NIN: variants seen among roughly 807,000 people sequenced by gnomAD.
NIN encodes glycogen synthase kinase 3 beta-interacting protein.
In NIN, 137 loss-of-function variants were observed where a neutral mutation model predicts 257.6. The observed-to-expected ratio is 0.53, with a 90% CI of 0.46 to 0.61. The LOEUF is 0.61. Among genes scored for constraint, NIN ranks in the 20% least tolerant of loss-of-function variants. NIN has a pLI of 0.00. For missense variants in NIN, 2,439 were observed against 2,501.2 expected (o/e 0.98, Z 0.53); for synonymous variants, 918 against 919.8 (o/e 1.00, Z 0.04).
rs114178727 is a variant in NIN at position 50,815,180 on chromosome 14, T to G, written c.183+6694A>C. 2.9e-3 allele frequency among the ~76,000 whole-genome samples: 434 copies of G among 152,130 alleles called. 3 individuals carry two copies. Among genetic ancestry groups the G allele is most frequent in the African/African-American group, 0.01 (429 of 41,474 alleles). On this transcript the variant is annotated intron_variant, in intron 3 of 30. Transcript: ENST00000530997. ...TAATACCCAGACTTTACAACAAACT[T>G]AAACACATTTACAAGAAAAAAACAA...
chr14:50,814,714 T>C (rs1470882401), intron 3 of NIN, among the ~76,000 whole-genome samples: 2 of 152,072 alleles, frequency 1.3e-5, no homozygotes, highest in African/African-American at 4.8e-5. Context: ...CAGAACAGAA[T>C]AGAAAACTCA....
intron 29 of NIN, 151 bp downstream of exon 29, chr14:50,729,372 C>G (rs563434135): frequency 5.9e-6 from 4 of 675,690 alleles, no homozygotes; most frequent in South Asian, 2.1e-5. Flanking sequence ...TGGCCTCAAG[C>G]GATCCTCCCG....
At chr14:50,812,591 C>T (rs1169600584) in intron 3 of NIN, among the ~76,000 whole-genome samples, 3 of 152,184 alleles carry the variant, frequency 2.0e-5, no homozygotes, top group Admixed American at 6.5e-5. Context: ...TTAGTAACTA[C>T]AAGATAGAAG....
chr14:50,783,985 T>A (rs1439434843), intron 5 of NIN, among the ~76,000 whole-genome samples: 3 of 152,236 alleles, frequency 2.0e-5, no homozygotes, highest in African/African-American at 7.2e-5. Flanking sequence ...GGCTGAGATG[T>A]GTTCACAAGA....
chr14:50,793,308 C>G (rs1427118423), intron 4 of NIN, among the ~76,000 whole-genome samples: 2 of 151,934 alleles, frequency 1.3e-5, no homozygotes. Flanking sequence ...ACTGTATACT[C>G]AGTATCCACA....
intron 4 of NIN, among the ~76,000 whole-genome samples, chr14:50,805,582 G>C (rs1471876215): frequency 6.6e-6 from 1 of 152,168 alleles, no homozygotes; most frequent in Non-Finnish European, 1.5e-5. Flanking sequence ...TGAAGAACTA[G>C]ATCACCCGGC....
At chr14:50,735,701 T>C in intron 27 of NIN, 84 bp from the exon 28 acceptor site, 7 of 1,463,648 alleles carry the variant, frequency 4.8e-6, no homozygotes, top group Non-Finnish European at 6.3e-6. Context: ...AATCTGTGCT[T>C]GTCAGAAATC....
intron 4 of NIN, among the ~76,000 whole-genome samples, chr14:50,801,651 C>A (rs144097276): frequency 6.6e-6 from 1 of 152,132 alleles, no homozygotes; most frequent in African/African-American, 2.4e-5. Context: ...TAGTGACAGG[C>A]CATAAGACCT....
intron 3 of NIN, among the ~76,000 whole-genome samples, chr14:50,809,975 T>C (rs2142250345): frequency 6.6e-6 from 1 of 152,202 alleles, no homozygotes; most frequent in Admixed American, 6.5e-5. Context: ...CAGGACTCTG[T>C]AATCCCAGCA....
intron 23 of NIN, among the ~76,000 whole-genome samples, chr14:50,744,028 C>T (rs766697674): frequency 2.6e-5 from 4 of 152,116 alleles, no homozygotes; most frequent in Non-Finnish European, 4.4e-5. Context: ...TTTGTATTAT[C>T]GAGTTTAATA....
intron 5 of NIN, among the ~76,000 whole-genome samples, chr14:50,780,105 C>T (rs1218950503): frequency 6.6e-6 from 1 of 152,192 alleles, no homozygotes; most frequent in Admixed American, 6.5e-5. Flanking sequence ...TAGTACAGGT[C>T]GTCTTTTGAC....
chr14:50,799,172 G>A (rs1212747097), intron 4 of NIN, among the ~76,000 whole-genome samples: 3 of 152,134 alleles, frequency 2.0e-5, no homozygotes, highest in Non-Finnish European at 4.4e-5. Flanking sequence ...GGAATCAAAC[G>A]GACCTGGACC....
intron 4 of NIN, among the ~76,000 whole-genome samples, chr14:50,797,667 C>A (rs990607494): frequency 1.3e-5 from 2 of 152,044 alleles, no homozygotes; most frequent in Admixed American, 6.6e-5. Context: ...AAATGCAAAC[C>A]CACGCCTGAT....
At position 50,770,384 on chromosome 14, in the gene NIN, T is replaced by G. The variant is rs1163742575; in HGVS notation, c.1434+4A>C. On this transcript the variant is annotated splice_donor_region_variant and intron_variant, in intron 12 of 30. Coordinates refer to ENST00000530997, the MANE Select transcript of NIN (RefSeq NM_020921.4). ...GCAGACCACAGAACTAATAAGATGA[T>G]TACCTTTAAAGAGAGGGCAAGGCGG... The G allele has an allele frequency of 4.3e-6, 7 of 1,613,688 alleles. No individual in the cohort carries two copies. The South Asian group carries it at 7.7e-5, about 18-fold the overall frequency.
rs1237756783 is a variant in NIN, at chr14:50,723,932, C to T, written c.6193-260G>A. The stretch of plus-strand genomic sequence containing the variant: ...AGAACAGATTGATATTAGATGGCAC[C>T]AAAAGTTTTTTTTCTACCTAAATAG... On this transcript the variant is annotated intron_variant, in intron 30 of 30. Transcript: ENST00000530997. 3 of 380,660 alleles carry T rather than the reference C, an allele frequency of 7.9e-6. No individual in the cohort carries two copies. In the East Asian group the frequency reaches 1.4e-4, roughly 18 times the overall value. 23.6% of individuals were successfully genotyped at this position (380,660 alleles called of 1,614,324 possible). A position where few individuals can be genotyped will look rare whatever the true frequency, so the allele number is the denominator to read the frequency against.
Position 50,822,081 on chromosome 14 carries a change from T to C in NIN, c.-21-4A>G, listed in dbSNP as rs761857663. On this transcript the variant is annotated splice_polypyrimidine_tract_variant and splice_region_variant and intron_variant, in intron 2 of 30. Transcript: ENST00000530997. Reference sequence around the variant, plus strand: ...TCCCATAGCCCACAGTGCTCACCTGTGTGTAAGACAGAGACAAGGACAGGT... The same window carrying C: ...TCCCATAGCCCACAGTGCTCACCTGCGTGTAAGACAGAGACAAGGACAGGT... 5.6e-6 allele frequency: 9 copies of C among 1,600,200 alleles called. No homozygotes were observed. Among genetic ancestry groups the C allele is most frequent in the South Asian group, 1.1e-5 (1 of 89,528 alleles).
chr14:50,767,914 T>C (rs1025267965), intron 12 of NIN, among the ~76,000 whole-genome samples: 2 of 152,050 alleles, frequency 1.3e-5, no homozygotes, highest in Non-Finnish European at 2.9e-5. Context: ...TTTAAAGATA[T>C]AAAAACTGTA....
At chr14:50,791,352 G>C (rs1052727973) in intron 5 of NIN, among the ~76,000 whole-genome samples, 1 of 152,136 alleles carries the variant, frequency 6.6e-6, no homozygotes, top group Non-Finnish European at 1.5e-5. Flanking sequence ...AAAGGAGAAG[G>C]ACTCCTGAAA....
chr14:50,765,063 TAAAAAAAAA>T (rs781699626), intron 14 of NIN, among the ~76,000 whole-genome samples: 1,459 of 82,110 alleles, frequency 0.018, 45 homozygotes, highest in African/African-American at 0.064. Flanking sequence ...TGTCTCTACT[TAAAAAAAAA>T]AAAAAAAAAA....
Sources: gnomAD v4.1 joint callset for allele counts (sites outside exome capture counted in the v4.1 genomes callset) on GRCh38, gnomAD v4.1.1 for gene constraint, MANE v1.5 for transcripts, NCBI Gene and HGNC (gene_info 2026-07-23, HGNC 2026-07-21) for gene names.